Variants in RAI14 observed in about 807,000 individuals in gnomAD.
RAI14 encodes the protein retinoic acid induced 14.
Under a neutral mutation model 115.4 loss-of-function variants are expected in RAI14, and 45 were observed. That is an observed-to-expected ratio of 0.39 (90% CI 0.31 to 0.50). The LOEUF is 0.50. Ranked by LOEUF, RAI14 falls within the 20% of genes least tolerant of loss-of-function variation. The pLI is 0.85. For synonymous variants in RAI14, 371 were observed against 415.4 expected (o/e 0.89, Z 1.30); for missense variants, 939 against 1,131.2 (o/e 0.83, Z 2.44).
At chr5:34,752,749 G>GTATATATATATATATATATATA (rs71600954) in intron 2 of RAI14, among the ~76,000 whole-genome samples, 7 of 107,056 alleles carry the variant, frequency 6.5e-5, no homozygotes, top group African/African-American at 2.6e-4. Context: ...GTGTGTGTGT[G>GTATATATATATATATATATATA]TATATATATA....
intron 2 of RAI14, among the ~76,000 whole-genome samples, chr5:34,737,013 A>G (rs1744957890): frequency 6.6e-6 from 1 of 152,184 alleles, no homozygotes. Context: ...TTAAACTCTC[A>G]TAGAAGAGCA....
At chr5:34,700,531 T>A (rs1315610630) in intron 2 of RAI14, among the ~76,000 whole-genome samples, 2 of 152,246 alleles carry the variant, frequency 1.3e-5, no homozygotes, top group African/African-American at 4.8e-5. Context: ...GTTGAATGAA[T>A]GAGTGACTAA....
chr5:34,746,580 T>C (rs1746257269), intron 2 of RAI14, among the ~76,000 whole-genome samples: 1 of 151,786 alleles, frequency 6.6e-6, no homozygotes, highest in African/African-American at 2.4e-5. Flanking sequence ...AATTTTTGTA[T>C]TTTTAGTAGA....
chr5:34,736,064 A>G (rs769327205), intron 2 of RAI14, among the ~76,000 whole-genome samples: 11 of 152,214 alleles, frequency 7.2e-5, no homozygotes, highest in Non-Finnish European at 1.3e-4. Flanking sequence ...GTGGTTTTCA[A>G]CCTTTTGGTA....
chr5:34,799,306 G>T (rs469033), intron 4 of RAI14, among the ~76,000 whole-genome samples: 29,946 of 151,972 alleles, frequency 0.2, 3,263 homozygotes, highest in African/African-American at 0.27. Context: ...TGGTGGTTAG[G>T]GGATGAATTA....
At chr5:34,785,285 G>A (rs1366653463) in intron 3 of RAI14, among the ~76,000 whole-genome samples, 1 of 152,014 alleles carries the variant, frequency 6.6e-6, no homozygotes, top group Non-Finnish European at 1.5e-5. Context: ...TGGGAACTTT[G>A]TCTTTCTGCT....
chr5:34,692,274 A>T (rs1738708871), intron 2 of RAI14, among the ~76,000 whole-genome samples: 1 of 147,180 alleles, frequency 6.8e-6, no homozygotes, highest in East Asian at 1.9e-4. Context: ...TAAAAAAAAA[A>T]TAATAATAAA....
chr5:34,742,665 G>A (rs1308528371), intron 2 of RAI14, among the ~76,000 whole-genome samples: 1 of 151,798 alleles, frequency 6.6e-6, no homozygotes, highest in Non-Finnish European at 1.5e-5. Flanking sequence ...TTTTTGTTTT[G>A]TTTTGTTTTG....
rs1215508615 is a variant in RAI14 at position 34,791,343 on chromosome 5, G to C, written c.168-4596G>C. On this transcript the variant is annotated intron_variant, in intron 3 of 17. Coordinates refer to ENST00000265109, the MANE Select transcript of RAI14 (RefSeq NM_015577.3). The surrounding 1 kb of genome is among the most constrained non-coding windows in gnomAD (Gnocchi z 5.4). ...GTGTATTCTTGAACCCTTTAAACGGGTCTCTACTTTGGCCTAAGACCATAT... is the reference window on the plus strand; with the variant it reads ...GTGTATTCTTGAACCCTTTAAACGGCTCTCTACTTTGGCCTAAGACCATAT... 6.6e-6 allele frequency among the ~76,000 whole-genome samples: 1 copy of C among 152,008 alleles called. No individual in the cohort carries two copies. Among genetic ancestry groups the C allele is most frequent in the Admixed American group, 6.5e-5 (1 of 15,274 alleles).
chr5:34,692,078 C>T (rs1026889432), intron 2 of RAI14, among the ~76,000 whole-genome samples: 1 of 152,148 alleles, frequency 6.6e-6, no homozygotes, highest in Non-Finnish European at 1.5e-5. Flanking sequence ...GCCTGGCCAA[C>T]ATGGCAAAAC....
intron 3 of RAI14, among the ~76,000 whole-genome samples, chr5:34,784,408 A>C (rs1752036721): frequency 6.6e-6 from 1 of 152,242 alleles, no homozygotes; most frequent in African/African-American, 2.4e-5. Flanking sequence ...AATTTTGTTT[A>C]GGAAAATGAT....
intron 1 of RAI14, among the ~76,000 whole-genome samples, chr5:34,678,353 C>T (rs1744144362): frequency 6.6e-6 from 1 of 152,148 alleles, no homozygotes; most frequent in Non-Finnish European, 1.5e-5. Context: ...TGGGTTATTT[C>T]TGGGAATGTT....
At chr5:34,818,647 TATC>T (rs1756512926) in intron 12 of RAI14, 147 bp from the exon 13 acceptor site, 1 of 557,010 alleles carries the variant, frequency 1.8e-6, no homozygotes, top group Non-Finnish European at 3.2e-6. Context: ...TAGCTTAAAA[TATC>T]TTCTTTCTTC....
chr5:34,697,937 T>A (rs1579944890), intron 2 of RAI14, among the ~76,000 whole-genome samples: 1 of 152,246 alleles, frequency 6.6e-6, no homozygotes, highest in African/African-American at 2.4e-5. Flanking sequence ...TGTAACTTTA[T>A]TAATATAACC....
At chr5:34,726,672 A>AT (rs1743510055) in intron 2 of RAI14, among the ~76,000 whole-genome samples, 1 of 152,084 alleles carries the variant, frequency 6.6e-6, no homozygotes, top group Admixed American at 6.5e-5. Context: ...ATAAGGGCAG[A>AT]TTTTTCCCGT....
intron 2 of RAI14, among the ~76,000 whole-genome samples, chr5:34,754,597 A>G (rs1029725436): frequency 1.3e-5 from 2 of 151,854 alleles, no homozygotes; most frequent in African/African-American, 2.4e-5. Context: ...CACTTCTTGA[A>G]TGGTGTTGTG....
intron 16 of RAI14, among the ~76,000 whole-genome samples, chr5:34,829,232 C>T (rs895504469): frequency 1.3e-5 from 2 of 151,990 alleles, no homozygotes; most frequent in African/African-American, 2.4e-5. Flanking sequence ...CTGTCACCCA[C>T]GCTGGAGTGC....
chr5:34,725,542 A>G (rs982518273), intron 2 of RAI14, among the ~76,000 whole-genome samples: 1 of 151,994 alleles, frequency 6.6e-6, no homozygotes, highest in South Asian at 2.1e-4. Flanking sequence ...ATTTGTAGCC[A>G]AAATGGCTAC....
At chr5:34,735,059 A>G (rs1744695100) in intron 2 of RAI14, among the ~76,000 whole-genome samples, 1 of 152,222 alleles carries the variant, frequency 6.6e-6, no homozygotes, top group African/African-American at 2.4e-5. Context: ...GGCAACCTAG[A>G]TGTTTAATAT....
Sources: allele counts gnomAD v4.1 joint callset (sites outside exome capture counted in the v4.1 genomes callset), GRCh38; gene constraint gnomAD v4.1.1; non-coding constraint Gnocchi (gnomAD v3.1); transcripts MANE v1.5; gene names NCBI Gene and HGNC (gene_info 2026-07-23, HGNC 2026-07-21).